STON2: variants seen among roughly 807,000 people sequenced by gnomAD.
STON2 encodes stonin 2.
Under a neutral mutation model 65.7 loss-of-function variants are expected in STON2, and 29 were observed. The ratio of observed to expected loss-of-function variants is 0.44; its 90% CI spans 0.33 to 0.60. STON2 has a LOEUF of 0.60. Ranked by LOEUF, STON2 falls within the 20% of genes least tolerant of loss-of-function variation. STON2 has a pLI of 0.03. For synonymous variants in STON2, 404 were observed against 414.2 expected (o/e 0.98, Z 0.30); for missense variants, 1,054 against 1,118.1 (o/e 0.94, Z 0.82).
intron 3 of STON2, among the ~76,000 whole-genome samples, chr14:81,379,029 G>T (rs1410560106): frequency 6.6e-6 from 1 of 152,112 alleles, no homozygotes; most frequent in Admixed American, 6.6e-5. Context: ...TCATATTTAT[G>T]ATCAGAGCCT....
At chr14:81,271,133 C>T (rs926108468) in intron 6 of STON2, among the ~76,000 whole-genome samples, 9 of 152,060 alleles carry the variant, frequency 5.9e-5, no homozygotes, top group African/African-American at 2.2e-4. Flanking sequence ...AAACAGGGGC[C>T]ATCCTGCCTG....
chr14:81,275,665 A>G (rs1894785248), intron 6 of STON2, among the ~76,000 whole-genome samples: 1 of 152,164 alleles, frequency 6.6e-6, no homozygotes, highest in African/African-American at 2.4e-5. Flanking sequence ...AGGGAGTAGC[A>G]AATCCAGCCT....
intron 2 of STON2, among the ~76,000 whole-genome samples, chr14:81,408,935 C>A (rs900433369): frequency 5.3e-5 from 8 of 152,170 alleles, no homozygotes; most frequent in Admixed American, 3.9e-4. Flanking sequence ...TTGACTTACT[C>A]CATCTTGGTA....
At chr14:81,374,282 G>A (rs113974798) in intron 3 of STON2, among the ~76,000 whole-genome samples, 12 of 151,546 alleles carry the variant, frequency 7.9e-5, no homozygotes, top group African/African-American at 2.9e-4. Flanking sequence ...GCCTCCCAAA[G>A]TGTTAGGATT....
chr14:81,372,504 C>T (rs922771226), intron 3 of STON2, among the ~76,000 whole-genome samples: 2 of 150,120 alleles, frequency 1.3e-5, no homozygotes, highest in African/African-American at 2.5e-5. Context: ...GCAGTGAGAT[C>T]GCGCCATTGC....
At chr14:81,333,115 TA>T in intron 4 of STON2, 2 of 1,155,098 alleles carry the variant, frequency 1.7e-6, no homozygotes, top group Non-Finnish European at 2.5e-6. Flanking sequence ...TTTCTTTGCA[TA>T]ATCCAAGAAA....
At chr14:81,426,920 C>T (rs1003860298) in intron 2 of STON2, among the ~76,000 whole-genome samples, 2 of 152,152 alleles carry the variant, frequency 1.3e-5, no homozygotes, top group East Asian at 1.9e-4. Flanking sequence ...GTTCACCTAC[C>T]GCTTTATTTT....
chr14:81,296,891 T>A (rs767782780), intron 5 of STON2, among the ~76,000 whole-genome samples: 13 of 152,038 alleles, frequency 8.6e-5, no homozygotes, highest in Non-Finnish European at 2.9e-5. Flanking sequence ...TATCTAAAAC[T>A]TTCTTAAGAT....
At chr14:81,313,093 T>C (rs1443757260) in intron 5 of STON2, among the ~76,000 whole-genome samples, 2 of 152,222 alleles carry the variant, frequency 1.3e-5, no homozygotes, top group African/African-American at 4.8e-5. Context: ...CTACATACTA[T>C]CTACTATAAT....
At chr14:81,311,578 A>T (rs528282338) in intron 5 of STON2, among the ~76,000 whole-genome samples, 49 of 152,330 alleles carry the variant, frequency 3.2e-4, no homozygotes, top group African/African-American at 1.2e-3. Flanking sequence ...TATTAACTCC[A>T]CATAAAATTG....
At chr14:81,416,306 A>G (rs1164318694) in intron 2 of STON2, among the ~76,000 whole-genome samples, 2 of 152,206 alleles carry the variant, frequency 1.3e-5, no homozygotes, top group African/African-American at 4.8e-5. Context: ...AGAGAACAAG[A>G]ACTTGCTGAT....
At chr14:81,420,576 T>C (rs17111807) in intron 2 of STON2, among the ~76,000 whole-genome samples, 1 of 151,884 alleles carries the variant, frequency 6.6e-6, no homozygotes, top group Non-Finnish European at 1.5e-5. Flanking sequence ...ACCAGGGCAA[T>C]GAGGAGAATG....
At chr14:81,363,367 A>G (rs756803838) in intron 4 of STON2, among the ~76,000 whole-genome samples, 3 of 152,180 alleles carry the variant, frequency 2.0e-5, no homozygotes, top group Non-Finnish European at 2.9e-5. Context: ...GCAGATTATC[A>G]CTTCCTCATG....
intron 5 of STON2, among the ~76,000 whole-genome samples, chr14:81,306,378 T>C (rs375018375): frequency 0.026 from 2,514 of 95,794 alleles, 70 homozygotes; most frequent in African/African-American, 0.081. Flanking sequence ...ACAGGCGCCA[T>C]ATGCTCTATT....
At chr14:81,372,674 T>A (rs1899060729) in intron 3 of STON2, among the ~76,000 whole-genome samples, 1 of 151,906 alleles carries the variant, frequency 6.6e-6, no homozygotes, top group South Asian at 2.1e-4. Context: ...AACTACCATG[T>A]ATTGAGTACC....
At chr14:81,331,744 G>A (rs901212522) in intron 4 of STON2, among the ~76,000 whole-genome samples, 2 of 152,190 alleles carry the variant, frequency 1.3e-5, no homozygotes, top group South Asian at 2.1e-4. Flanking sequence ...TCCTCTCCAT[G>A]CAGAGCAGCT....
rs1894381294 is a variant in STON2, at chr14:81,266,992, A to G, written c.*1422T>C. 1.0e-6 allele frequency: 1 copy of G among 985,360 alleles called. No individual in the cohort carries two copies. The highest frequency in any genetic ancestry group is 1.2e-6 in the Non-Finnish European group (1 of 829,858). The allele number at this position is 985,360 out of a possible 1,614,324, so 61.0% of individuals were successfully genotyped here. A position where few individuals can be genotyped will look rare whatever the true frequency, so the allele number is the denominator to read the frequency against. On this transcript the variant is annotated 3_prime_UTR_variant, in exon 8 of 8. Transcript: ENST00000614646. ...TAACTATTTCTATATCCCAGTGTCA[A>G]TACACATTTAGACTCCAATGATTGT...
At chr14:81,302,539 A>G (rs1020190688) in intron 5 of STON2, among the ~76,000 whole-genome samples, 2 of 152,266 alleles carry the variant, frequency 1.3e-5, no homozygotes, top group African/African-American at 2.4e-5. Context: ...TAGTCAAACT[A>G]CACTCATTAA....
In STON2 at chr14:81,264,272, T is replaced by C; in HGVS notation, c.*4142A>G. On this transcript the variant is annotated 3_prime_UTR_variant, in exon 8 of 8. Transcript: ENST00000614646. ...ATGCTGACAGGTTTTATTACTTGACTCTGGAGGCAGGAGTAAAAGGAAAGC... is the reference window on the plus strand; with the variant it reads ...ATGCTGACAGGTTTTATTACTTGACCCTGGAGGCAGGAGTAAAAGGAAAGC... 1 of 985,460 alleles carries C rather than the reference T, an allele frequency of 1.0e-6. No individual in the cohort carries two copies. The highest frequency in any genetic ancestry group is 1.2e-6 in the Non-Finnish European group (1 of 829,942). The allele number at this position is 985,460 out of a possible 1,614,324, so 61.0% of individuals were successfully genotyped here.
Sources: gnomAD v4.1 joint callset for allele counts (sites outside exome capture counted in the v4.1 genomes callset) on GRCh38, gnomAD v4.1.1 for gene constraint, MANE v1.5 for transcripts, NCBI Gene and HGNC (gene_info 2026-07-23, HGNC 2026-07-21) for gene names.